The following CADPS2 variants were observed in gnomAD, a reference collection of about 807,000 sequenced individuals.
The protein encoded by CADPS2 is calcium-dependent secretion activator 2.
A neutral mutation model predicts 172.5 loss-of-function variants in CADPS2; 93 were observed. That is an observed-to-expected ratio of 0.54 (90% CI 0.46 to 0.64). The LOEUF is 0.64. Ranked by LOEUF, CADPS2 falls within the 30% of genes least tolerant of loss-of-function variation. The probability of loss-of-function intolerance (pLI) is 0.00; values close to 1 mark genes in which losing one functional copy is unlikely to be tolerated. For synonymous variants in CADPS2, 546 were observed against 555.2 expected, an observed-to-expected ratio of 0.98 and a Z score of 0.23; for missense variants, 1,420 against 1,565.9, an observed-to-expected ratio of 0.91 and a Z score of 1.57.
At chr7:122,420,381 T>C (rs1018118152) in intron 17 of CADPS2, among the ~76,000 whole-genome samples, 1 of 152,214 alleles carries the variant, frequency 6.6e-6, no homozygotes, top group African/African-American at 2.4e-5. Flanking sequence ...AAAACATTTA[T>C]TCTTTCTAGA....
At chr7:122,691,041 A>G (rs2084285323) in intron 2 of CADPS2, among the ~76,000 whole-genome samples, 1 of 152,190 alleles carries the variant, frequency 6.6e-6, no homozygotes, top group Non-Finnish European at 1.5e-5. Flanking sequence ...GACTTCTTGT[A>G]ACTCTGCTGC....
chr7:122,792,730 T>G (rs1244687079), intron 1 of CADPS2, among the ~76,000 whole-genome samples: 1 of 152,174 alleles, frequency 6.6e-6, no homozygotes, highest in Non-Finnish European at 1.5e-5. Flanking sequence ...TAACCAATTA[T>G]AAGATATTCA....
Position 122,886,049 on chromosome 7 carries a change from A to C in CADPS2, c.289T>G (p.Tyr97Asp), listed in dbSNP as rs1250360984. Residue 97 changes from tyrosine to aspartate, a missense_variant, in exon 1 of 30, where the codon TAC becomes GAC. By Grantham distance (160) the Tyr-to-Asp change is radical. Transcript: ENST00000449022. The stretch of plus-strand genomic sequence containing the variant: ...GTGGGCTGCTTGGCGTTGAAGGGGT[A>C]CGCGATGCACCTCACGACGAAGACG... The part of the protein sequence containing the change: ...LYVFVVRCIA[Y>D]PFNAKQPTDM... 1 of 1,607,692 alleles carries C rather than the reference A, an allele frequency of 6.2e-7. No homozygotes were observed.
intron 4 of CADPS2, among the ~76,000 whole-genome samples, chr7:122,627,209 T>C (rs1265055245): frequency 6.6e-6 from 1 of 152,246 alleles, no homozygotes; most frequent in Non-Finnish European, 1.5e-5. Flanking sequence ...CAATTTCCTC[T>C]TCTATAAAAT....
At chr7:122,789,161 G>C (rs1039107168) in intron 1 of CADPS2, among the ~76,000 whole-genome samples, 1 of 152,136 alleles carries the variant, frequency 6.6e-6, no homozygotes. Context: ...GAGGTGAAGG[G>C]AATGTCAGCA....
At chr7:122,366,452 A>C (rs1481454623) in intron 25 of CADPS2, among the ~76,000 whole-genome samples, 1 of 150,476 alleles carries the variant, frequency 6.6e-6, no homozygotes, top group Non-Finnish European at 1.5e-5. Context: ...AAAAAAAAAA[A>C]AAATTACCCG....
intron 1 of CADPS2, among the ~76,000 whole-genome samples, chr7:122,763,270 A>C (rs575079572): frequency 6.6e-6 from 1 of 152,306 alleles, no homozygotes; most frequent in South Asian, 2.1e-4. Context: ...GATCTAAGCA[A>C]AAACATGAAT....
In CADPS2 at chr7:122,619,928, T is replaced by C. The variant is rs183460688; in HGVS notation, c.1104+1553A>G. Among the ~76,000 whole-genome samples the C allele has an allele frequency of 1.2e-3, 181 of 152,330 alleles. 1 individual carries two copies. In the Middle Eastern group the frequency reaches 0.014, roughly 11 times the overall value. ...AATCTTGAGTCAGAAGAAAGACTCA[T>C]AGTTCTAATCTGACACTAAGTTTAA... On this transcript the variant is annotated intron_variant, in intron 5 of 29. Transcript: ENST00000449022.
At chr7:122,790,396 CT>C (rs1156657103) in intron 1 of CADPS2, among the ~76,000 whole-genome samples, 1 of 107,156 alleles carries the variant, frequency 9.3e-6, no homozygotes, top group Non-Finnish European at 1.9e-5. Context: ...GACAGCGTTT[CT>C]AAAAAAAAAA....
intron 1 of CADPS2, among the ~76,000 whole-genome samples, chr7:122,756,958 C>G (rs1322615521): frequency 6.6e-6 from 1 of 151,736 alleles, no homozygotes; most frequent in Non-Finnish European, 1.5e-5. Flanking sequence ...ATCTCAAGTT[C>G]ATATCTTTAA....
intron 2 of CADPS2, among the ~76,000 whole-genome samples, chr7:122,690,354 C>T (rs1280786568): frequency 1.3e-5 from 2 of 152,194 alleles, no homozygotes; most frequent in Admixed American, 1.3e-4. Context: ...TTATGATAGT[C>T]CACACAGACA....
At chr7:122,359,379 AG>A (rs1407072243) in intron 27 of CADPS2, among the ~76,000 whole-genome samples, 2 of 152,144 alleles carry the variant, frequency 1.3e-5, no homozygotes, top group Non-Finnish European at 2.9e-5. Flanking sequence ...AATCTTTGTA[AG>A]GGATGTTAGA....
intron 2 of CADPS2, among the ~76,000 whole-genome samples, chr7:122,706,789 C>CATAT (rs201867666): frequency 3.9e-4 from 57 of 144,880 alleles, no homozygotes; most frequent in African/African-American, 1.4e-3. Context: ...TGTGTACATA[C>CATAT]ATATATATAT....
chr7:122,629,115 CT>C, intron 4 of CADPS2, 132 bp downstream of exon 4: 2 of 565,244 alleles, frequency 3.5e-6, no homozygotes, highest in Non-Finnish European at 6.1e-6. Flanking sequence ...ATTAAGAGGT[CT>C]ATGTGTAGAG....
intron 1 of CADPS2, among the ~76,000 whole-genome samples, chr7:122,868,999 G>A (rs1462820402): frequency 2.6e-5 from 4 of 151,952 alleles, no homozygotes; most frequent in African/African-American, 7.2e-5. Flanking sequence ...GGAAATCATC[G>A]AATCTGAGGA....
Position 122,476,801 on chromosome 7 carries a change from G to A in CADPS2, c.1862-2284C>T, listed in dbSNP as rs188684897. ...GAAATCATTCTATTTTTAAAACACA[G>A]GCTGTGAAGACCAAACATTTTTACT... On this transcript the variant is annotated intron_variant, in intron 12 of 29. Transcript: ENST00000449022. Among the ~76,000 whole-genome samples, 1,066 of 152,182 alleles carry A rather than the reference G, an allele frequency of 7.0e-3. 12 individuals carry two copies. Among genetic ancestry groups the A allele is most frequent in the African/African-American group, 0.024 (1,014 of 41,518 alleles).
intron 9 of CADPS2, among the ~76,000 whole-genome samples, chr7:122,507,772 A>C (rs1000860161): frequency 6.6e-6 from 1 of 152,158 alleles, no homozygotes; most frequent in Non-Finnish European, 1.5e-5. Context: ...AATCCATGTG[A>C]TGATGGTGGT....
At chr7:122,838,372 A>T (rs996516213) in intron 1 of CADPS2, among the ~76,000 whole-genome samples, 2 of 152,112 alleles carry the variant, frequency 1.3e-5, no homozygotes, top group African/African-American at 2.4e-5. Context: ...ACTGGCACAA[A>T]CAGGGATGCC....
Position 122,629,338 on chromosome 7 carries a change from A to C in CADPS2, c.787-10T>G. On this transcript the variant is annotated splice_polypyrimidine_tract_variant and intron_variant, in intron 3 of 29. Coordinates refer to ENST00000449022, the MANE Select transcript of CADPS2 (RefSeq NM_017954.11). ...CATCTGCGTTATCCAGCTTAAAAATAAAACAGAAGTTACACATATGTAATT... is the reference window on the plus strand; with the variant it reads ...CATCTGCGTTATCCAGCTTAAAAATCAAACAGAAGTTACACATATGTAATT... The C allele has an allele frequency of 6.3e-7, 1 of 1,599,288 alleles. No individual in the cohort carries two copies. The highest frequency in any genetic ancestry group is 2.2e-5 in the East Asian group (1 of 44,548).
Sources: allele counts gnomAD v4.1 joint callset (sites outside exome capture counted in the v4.1 genomes callset), GRCh38; gene constraint gnomAD v4.1.1; transcripts MANE v1.5; gene names NCBI Gene and HGNC (gene_info 2026-07-23, HGNC 2026-07-21).